The following VAT1L variants were observed in gnomAD, a reference collection of about 807,000 sequenced individuals.
VAT1L encodes vesicle amine transport 1 like, also known as putative NADPH-dependent quinone oxidoreductase VAT1L.
A neutral mutation model predicts 44.1 loss-of-function variants in VAT1L; 34 were observed. That is an observed-to-expected ratio of 0.77 (90% CI 0.59 to 1.03). VAT1L has a LOEUF of 1.03. VAT1L is among the 50% of genes least tolerant of loss of function. The pLI is 0.00. For missense variants in VAT1L, 615 were observed against 538.8 expected (o/e 1.14, Z -1.40); for synonymous variants, 253 against 202.2 (o/e 1.25, Z -2.13).
intron 7 of VAT1L, among the ~76,000 whole-genome samples, chr16:77,953,035 T>TAATC (rs763702848): frequency 1.9e-4 from 29 of 152,128 alleles, no homozygotes; most frequent in Admixed American, 1.0e-3. Flanking sequence ...GGGTGGACCC[T>TAATC]TAATCCAACA....
At chr16:77,947,485 G>A (rs1249026823) in intron 7 of VAT1L, among the ~76,000 whole-genome samples, 1 of 152,142 alleles carries the variant, frequency 6.6e-6, no homozygotes, top group East Asian at 1.9e-4. Flanking sequence ...TGGTCTCCCA[G>A]TTTCTCCCCA....
chr16:77,866,241 T>C (rs1294522134), intron 4 of VAT1L, among the ~76,000 whole-genome samples: 1 of 152,230 alleles, frequency 6.6e-6, no homozygotes, highest in Admixed American at 6.5e-5. Flanking sequence ...ACAGAGTGAA[T>C]TATAGCATTG....
chr16:77,923,448 A>G (rs750241580), intron 7 of VAT1L, among the ~76,000 whole-genome samples: 11 of 152,214 alleles, frequency 7.2e-5, no homozygotes, highest in Admixed American at 2.6e-4. Context: ...AGACTCTGTC[A>G]TGGATGAATG....
chr16:77,841,449 T>TGGGG, intron 3 of VAT1L, among the ~76,000 whole-genome samples: 1 of 152,230 alleles, frequency 6.6e-6, no homozygotes, highest in Non-Finnish European at 1.5e-5. Flanking sequence ...CAGGAATGCC[T>TGGGG]GGGTGTATTT....
chr16:77,957,598 G>A (rs1041427098), intron 7 of VAT1L, among the ~76,000 whole-genome samples: 1 of 151,848 alleles, frequency 6.6e-6, no homozygotes, highest in Admixed American at 6.6e-5. Flanking sequence ...GGTGGCACGT[G>A]CCTGTAATCC....
chr16:77,949,077 G>C (rs1046953763), intron 7 of VAT1L, among the ~76,000 whole-genome samples: 17 of 152,190 alleles, frequency 1.1e-4, no homozygotes, highest in African/African-American at 3.6e-4. Flanking sequence ...GTGGCAGCAG[G>C]ATGGGGGCAG....
At chr16:77,852,109 C>A (rs1457844392) in intron 3 of VAT1L, among the ~76,000 whole-genome samples, 4 of 152,190 alleles carry the variant, frequency 2.6e-5, no homozygotes, top group Admixed American at 2.0e-4. Context: ...CTCTCCCCCT[C>A]CCAATCTCGG....
chr16:77,955,726 C>T (rs1041361308), intron 7 of VAT1L, among the ~76,000 whole-genome samples: 8 of 121,168 alleles, frequency 6.6e-5, no homozygotes, highest in South Asian at 3.0e-4. Flanking sequence ...ATATCCCCCC[C>T]CCCAAAAAAA....
intron 7 of VAT1L, among the ~76,000 whole-genome samples, chr16:77,939,755 CTT>C (rs1305563972): frequency 6.6e-6 from 1 of 152,124 alleles, no homozygotes; most frequent in Non-Finnish European, 1.5e-5. Context: ...AATTTATTGT[CTT>C]ATATCTTGAG....
At chr16:77,966,268 C>A (rs913208124) in intron 7 of VAT1L, among the ~76,000 whole-genome samples, 1 of 152,116 alleles carries the variant, frequency 6.6e-6, no homozygotes, top group African/African-American at 2.4e-5. Flanking sequence ...TGATGTGTAA[C>A]TTACAAGGCT....
At chr16:77,843,185 C>A (rs2016724418) in intron 3 of VAT1L, among the ~76,000 whole-genome samples, 1 of 152,204 alleles carries the variant, frequency 6.6e-6, no homozygotes. Flanking sequence ...CTCATTGCCT[C>A]TGCCCACTCA....
At chr16:77,954,697 CT>C (rs2018082768) in intron 7 of VAT1L, among the ~76,000 whole-genome samples, 1 of 152,174 alleles carries the variant, frequency 6.6e-6, no homozygotes, top group Non-Finnish European at 1.5e-5. Flanking sequence ...GGGGACCTGT[CT>C]TTCTTGTTCT....
At chr16:77,810,135 T>C (rs1241491772) in intron 1 of VAT1L, among the ~76,000 whole-genome samples, 1 of 152,184 alleles carries the variant, frequency 6.6e-6, no homozygotes, top group Non-Finnish European at 1.5e-5. Context: ...TAGAGGACAA[T>C]GAGAACTTTT....
At chr16:77,947,389 A>G (rs1052499243) in intron 7 of VAT1L, among the ~76,000 whole-genome samples, 2 of 152,330 alleles carry the variant, frequency 1.3e-5, no homozygotes, top group East Asian at 1.9e-4. Context: ...AATCGTAAAG[A>G]TCAAGTGGGT....
intron 7 of VAT1L, among the ~76,000 whole-genome samples, chr16:77,899,010 G>A (rs1425033365): frequency 6.6e-6 from 1 of 152,176 alleles, no homozygotes; most frequent in Non-Finnish European, 1.5e-5. Context: ...GCAGCTGCCA[G>A]CAGAGCCATG....
intron 7 of VAT1L, among the ~76,000 whole-genome samples, chr16:77,893,542 C>T (rs1449096669): frequency 6.6e-6 from 1 of 152,198 alleles, no homozygotes; most frequent in Non-Finnish European, 1.5e-5. Context: ...CAACCACATT[C>T]AGGTGAGAGA....
In VAT1L at chr16:77,788,811, C is replaced by G; in HGVS notation, c.129C>G (p.Arg43=). The G allele has an allele frequency of 6.3e-7, 1 of 1,575,732 alleles. No homozygotes were observed. The highest frequency in any genetic ancestry group is 8.6e-7 in the Non-Finnish European group (1 of 1,161,738). Residue 43 remains arginine, a synonymous_variant, in exon 1 of 9, where the codon CGC becomes CGG. Coordinates refer to ENST00000302536, the MANE Select transcript of VAT1L (RefSeq NM_020927.3). The stretch of plus-strand genomic sequence containing the variant: ...GCCTCGGGGACGCCCAGGAGATGCG[C>G]GCGGTGGTGCTGGCTGGCTTCGGGG... ...SHRLGDAQEM[R]AVVLAGFGGL... is the part of the protein sequence containing the mutation.
intron 7 of VAT1L, among the ~76,000 whole-genome samples, chr16:77,968,970 C>A (rs2018251750): frequency 6.6e-6 from 1 of 152,028 alleles, no homozygotes; most frequent in Non-Finnish European, 1.5e-5. Context: ...AGGCACCCAC[C>A]ACCACACCCA....
intron 7 of VAT1L, chr16:77,892,320 T>C: frequency 3.4e-6 from 1 of 294,974 alleles, no homozygotes; most frequent in Non-Finnish European, 6.6e-6. Flanking sequence ...CTAGCTGGCA[T>C]GGACCCTCTT....
Sources: gnomAD v4.1 joint callset for allele counts (sites outside exome capture counted in the v4.1 genomes callset) on GRCh38, gnomAD v4.1.1 for gene constraint, MANE v1.5 for transcripts, NCBI Gene and HGNC (gene_info 2026-07-23, HGNC 2026-07-21) for gene names.